Variants in MEGF11 observed in about 807,000 individuals in gnomAD.
The protein encoded by MEGF11 is multiple EGF like domains 11.
MEGF11 carries 126 observed loss-of-function variants against 146.6 expected under a neutral mutation model. The ratio of observed to expected loss-of-function variants is 0.86; its 90% CI spans 0.74 to 1.00. The LOEUF (loss-of-function observed/expected upper bound fraction) is 1.00, where lower values mean the gene tolerates loss of function less well. Among genes scored for constraint, MEGF11 ranks in the 50% least tolerant of loss-of-function variants. MEGF11 has a pLI of 0.00. For synonymous variants in MEGF11, 532 were observed against 583.4 expected (o/e 0.91, Z 1.27); for missense variants, 1,509 against 1,521.2 (o/e 0.99, Z 0.13).
intron 1 of MEGF11, among the ~76,000 whole-genome samples, chr15:66,169,073 G>T (rs557227681): frequency 3.9e-5 from 6 of 152,168 alleles, no homozygotes; most frequent in Admixed American, 2.0e-4. Context: ...ACATGTGCTC[G>T]CATGTGGGGC....
In MEGF11 at chr15:65,918,093, C is replaced by T; in HGVS notation, c.1959G>A (p.Val653=). 1 of 1,613,810 alleles carries T rather than the reference C, an allele frequency of 6.2e-7. No individual in the cohort carries two copies. The highest frequency in any genetic ancestry group is 1.1e-5 in the South Asian group (1 of 91,072). ...PGFSGALCNQ[V]CAGGYFGQDC... is the part of the protein sequence containing the mutation. ...CCTGCCCAAAGTATCCTCCAGCACA[C>T]ACTGTGGGCACAGGGCAGCCTGGCA... is the stretch of plus-strand genomic sequence containing the variant. The change falls in exon 16 of 26, where the codon GTG becomes GTA. Residue 653 remains valine (V), a splice_region_variant and synonymous_variant. Coordinates refer to ENST00000395614, the MANE Select transcript of MEGF11 (RefSeq NM_001385028.1).
intron 10 of MEGF11, among the ~76,000 whole-genome samples, chr15:65,938,163 A>G (rs2079852520): frequency 6.6e-6 from 1 of 152,248 alleles, no homozygotes; most frequent in Non-Finnish European, 1.5e-5. Flanking sequence ...TAGATAGCCC[A>G]TGATGCTAGA....
At chr15:66,033,610 G>A (rs948229701) in intron 5 of MEGF11, among the ~76,000 whole-genome samples, 2 of 152,210 alleles carry the variant, frequency 1.3e-5, no homozygotes, top group African/African-American at 4.8e-5. Context: ...AGATGGTCTG[G>A]GTACCCAGGC....
rs1311242011 is a variant in MEGF11, at chr15:65,897,991, G to A, written c.3366C>T (p.Asp1122=). 1.9e-6 allele frequency: 3 copies of A among 1,614,006 alleles called. No individual in the cohort carries two copies. Among genetic ancestry groups the A allele is most frequent in the South Asian group, 2.2e-5 (2 of 91,080 alleles). Residue 1122 remains aspartate, a synonymous_variant, in exon 26 of 26, where the codon GAC becomes GAT. Coordinates refer to ENST00000395614, the MANE Select transcript of MEGF11 (RefSeq NM_001385028.1). ...CAGGGCTCTGTCTTACTGGGAGGAG[G>A]TCATAATGACCAGGAATATGGCTGT... ...PRNSHIPGHY[D]LLPVRQSPAN...
At chr15:66,219,575 G>C (rs1365124319) in intron 1 of MEGF11, among the ~76,000 whole-genome samples, 1 of 152,182 alleles carries the variant, frequency 6.6e-6, no homozygotes, top group East Asian at 1.9e-4. Context: ...TGCTGGCAAG[G>C]TTGTGGAGAA....
At chr15:66,228,465 CCATGCACTCACA>C (rs1316786485) in intron 1 of MEGF11, among the ~76,000 whole-genome samples, 3 of 152,078 alleles carry the variant, frequency 2.0e-5, no homozygotes, top group African/African-American at 7.2e-5. Flanking sequence ...GAGGGGGTGC[CCATGCACTCACA>C]CATGCACACA....
At chr15:66,107,067 G>A (rs1172847000) in intron 4 of MEGF11, among the ~76,000 whole-genome samples, 2 of 122,014 alleles carry the variant, frequency 1.6e-5, no homozygotes, top group Non-Finnish European at 3.5e-5. Flanking sequence ...CCCCCACCAG[G>A]TATAGACAGG....
chr15:66,004,664 G>T (rs1275414591), intron 5 of MEGF11, among the ~76,000 whole-genome samples: 1 of 152,030 alleles, frequency 6.6e-6, no homozygotes, highest in Non-Finnish European at 1.5e-5. Flanking sequence ...GACTGAATTT[G>T]GGGGTGGTAA....
At position 65,982,291 on chromosome 15, in the gene MEGF11, C is replaced by T; in HGVS notation, c.592G>A (p.Asp198Asn). The change falls in exon 6 of 26, where the codon GAC (aspartate) becomes AAC (asparagine). Residue 198 changes from aspartate to asparagine, a missense_variant. Physicochemically the swap from Asp to Asn is conservative, Grantham distance 23 (BLOSUM62 1). Coordinates refer to ENST00000395614, the MANE Select transcript of MEGF11 (RefSeq NM_001385028.1). This position sits in a 1 kb window ranked among gnomAD's most constrained non-coding sequence, Gnocchi z 5.6. ...PCQCRHGASC[D>N]PRAGECLCAP... is the part of the protein sequence containing the mutation. ...CAGAGGCACTCGCCGGCGCGGGGGTCGCAGCTGGCACCGTGTCGGCACTGG... is the reference window on the plus strand; with the variant it reads ...CAGAGGCACTCGCCGGCGCGGGGGTTGCAGCTGGCACCGTGTCGGCACTGG... The T allele has an allele frequency of 1.3e-6, 2 of 1,539,992 alleles. No homozygotes were observed. Among genetic ancestry groups the T allele is most frequent in the Non-Finnish European group, 1.7e-6 (2 of 1,145,564 alleles).
chr15:66,150,909 A>C (rs2089551295), intron 1 of MEGF11, among the ~76,000 whole-genome samples: 1 of 149,304 alleles, frequency 6.7e-6, no homozygotes, highest in Non-Finnish European at 1.5e-5. Flanking sequence ...GTCAGTGACT[A>C]AGGGTGAAAA....
At position 65,980,694 on chromosome 15, in the gene MEGF11, G is replaced by A. The variant is rs189357780; in HGVS notation, c.762+84C>T. On this transcript the variant is annotated intron_variant, in intron 7 of 25. Transcript: ENST00000395614. Reference sequence around the variant, plus strand: ...GATTACAGTCACGAGTACCATGCCCGGCTAGTTTAGCCTTTTAAGGTATGT... The same window carrying A: ...GATTACAGTCACGAGTACCATGCCCAGCTAGTTTAGCCTTTTAAGGTATGT... 3,516 of 1,446,128 alleles carry A rather than the reference G, an allele frequency of 2.4e-3. 11 individuals are homozygous for A. The highest frequency in any genetic ancestry group is 2.7e-3 in the Non-Finnish European group (2,963 of 1,096,012). The allele number at this position is 1,446,128 out of a possible 1,614,324, so 89.6% of individuals were successfully genotyped here.
At chr15:66,102,118 TG>T (rs1226849296) in intron 4 of MEGF11, among the ~76,000 whole-genome samples, 1 of 151,198 alleles carries the variant, frequency 6.6e-6, no homozygotes, top group Non-Finnish European at 1.5e-5. Flanking sequence ...GCTCCAGCAT[TG>T]CAGTCAATTC....
At chr15:66,038,480 T>C (rs559970569) in intron 5 of MEGF11, among the ~76,000 whole-genome samples, 4 of 152,338 alleles carry the variant, frequency 2.6e-5, no homozygotes, top group African/African-American at 9.6e-5. Context: ...TGTTTTTCAC[T>C]ATTTCCTCTC....
intron 4 of MEGF11, among the ~76,000 whole-genome samples, chr15:66,117,120 G>A (rs568291974): frequency 6.6e-6 from 1 of 152,320 alleles, no homozygotes; most frequent in Admixed American, 6.5e-5. Context: ...AAAGTGATCA[G>A]AATGGTGCCT....
At chr15:66,061,964 T>C (rs1345425878) in intron 5 of MEGF11, among the ~76,000 whole-genome samples, 1 of 152,220 alleles carries the variant, frequency 6.6e-6, no homozygotes, top group Non-Finnish European at 1.5e-5. Flanking sequence ...GAGACAGTCT[T>C]GCCCAGGCTG....
intron 1 of MEGF11, among the ~76,000 whole-genome samples, chr15:66,206,030 G>C (rs1053773140): frequency 6.6e-6 from 1 of 152,184 alleles, no homozygotes; most frequent in African/African-American, 2.4e-5. Context: ...TTACAAAAAT[G>C]TTTCTTTGAG....
chr15:65,916,991 A>AGGC, intron 16 of MEGF11, 35 bp from the exon 17 acceptor site: 2 of 1,459,762 alleles, frequency 1.4e-6, no homozygotes, highest in South Asian at 2.8e-5. Flanking sequence ...GGTGAGGGGA[A>AGGC]GGCAGAGAGG....
intron 1 of MEGF11, among the ~76,000 whole-genome samples, chr15:66,189,079 G>A (rs750122197): frequency 6.6e-6 from 1 of 152,290 alleles, no homozygotes; most frequent in Non-Finnish European, 1.5e-5. Flanking sequence ...GGGGAGGAGG[G>A]ATGGGGAGAG....
Position 65,922,332 on chromosome 15 carries a change from C to G in MEGF11, c.1957+6G>C. 1.2e-6 allele frequency: 2 copies of G among 1,607,348 alleles called. No homozygotes were observed. On this transcript the variant is annotated splice_donor_region_variant and intron_variant, in intron 15 of 25. Transcript: ENST00000395614. ...CCACCCAGTACCTTCCCACTGGAGA[C>G]AGTACCTTGGTTGCAGAGAGCTCCA...
Sources: gnomAD v4.1 joint callset for allele counts (sites outside exome capture counted in the v4.1 genomes callset) on GRCh38, gnomAD v4.1.1 for gene constraint, Gnocchi (gnomAD v3.1) non-coding constraint, MANE v1.5 for transcripts, NCBI Gene and HGNC (gene_info 2026-07-23, HGNC 2026-07-21) for gene names.